The following KCNIP1 variants were observed in gnomAD, a reference collection of about 807,000 sequenced individuals.
The protein encoded by KCNIP1 is potassium voltage-gated channel interacting protein 1.
KCNIP1 carries 18 observed loss-of-function variants against 33.0 expected under a neutral mutation model. The observed-to-expected ratio is 0.55, with a 90% CI of 0.38 to 0.81. KCNIP1 has a LOEUF of 0.81. Ranked by LOEUF, KCNIP1 falls within the 30% of genes least tolerant of loss-of-function variation. KCNIP1 has a pLI of 0.00. For synonymous variants in KCNIP1, 93 were observed against 98.3 expected, an observed-to-expected ratio of 0.95 and a Z score of 0.32; for missense variants, 238 against 271.6, an observed-to-expected ratio of 0.88 and a Z score of 0.87.
At chr5:170,567,692 T>C (rs1581335983) in intron 1 of KCNIP1, among the ~76,000 whole-genome samples, 1 of 152,300 alleles carries the variant, frequency 6.6e-6, no homozygotes, top group Admixed American at 6.5e-5. Context: ...ATGGTGGATG[T>C]GGATGGAGGT....
chr5:170,362,834 G>A (rs959484605), intron 1 of KCNIP1, among the ~76,000 whole-genome samples: 1 of 152,202 alleles, frequency 6.6e-6, no homozygotes, highest in African/African-American at 2.4e-5. Flanking sequence ...TCTGTGCTTG[G>A]CAGGCTGGGC....
At chr5:170,483,013 A>G (rs1166756740) in intron 1 of KCNIP1, 1 of 444,360 alleles carries the variant, frequency 2.3e-6, no homozygotes, top group East Asian at 7.1e-5. Context: ...AAATTAAAGT[A>G]TGAGGTGGAA....
intron 5 of KCNIP1, among the ~76,000 whole-genome samples, chr5:170,729,193 G>T (rs939257692): frequency 6.6e-6 from 1 of 151,902 alleles, no homozygotes; most frequent in Non-Finnish European, 1.5e-5. Flanking sequence ...TCTGATCAAA[G>T]AATGGAAAAA....
At chr5:170,720,679 G>A (rs1763789793) in intron 3 of KCNIP1, among the ~76,000 whole-genome samples, 1 of 152,254 alleles carries the variant, frequency 6.6e-6, no homozygotes, top group Admixed American at 6.5e-5. Flanking sequence ...GAGTAACTGA[G>A]TTTCGGGGAA....
Position 170,390,517 on chromosome 5 carries a change from A to AAAAAAAAAAAAAAAAATATATATAT in KCNIP1, c.88+36554_88+36555insAAAAAAAAAAAAAAATATATATATA. 4.7e-4 allele frequency among the ~76,000 whole-genome samples: 35 copies of AAAAAAAAAAAAAAAAATATATATAT among 74,516 alleles called. 1 individual carries two copies. The highest frequency in any genetic ancestry group is 6.0e-4 in the Non-Finnish European group (24 of 40,204). 48.9% of individuals were successfully genotyped at this position (74,516 alleles called of 152,430 possible). On this transcript the variant is annotated intron_variant, in intron 1 of 7. Coordinates refer to the KCNIP1 transcript ENST00000377360. ...GACCCCGTCTCAAAAAAAAAAAACA[A>AAAAAAAAAAAAAAAAATATATATAT]ATATATATATATATATATATATTTT...
intron 1 of KCNIP1, among the ~76,000 whole-genome samples, chr5:170,633,062 A>G (rs1760121703): frequency 6.6e-6 from 1 of 152,142 alleles, no homozygotes; most frequent in African/African-American, 2.4e-5. Flanking sequence ...GTCAGAAAGG[A>G]CATCCTCCTT....
chr5:170,550,463 T>A (rs895852399), intron 1 of KCNIP1, among the ~76,000 whole-genome samples: 2 of 151,980 alleles, frequency 1.3e-5, no homozygotes, highest in African/African-American at 4.8e-5. Flanking sequence ...GCAATGATGA[T>A]GATGGTGATG....
chr5:170,427,299 A>G (rs1755636437), intron 1 of KCNIP1, among the ~76,000 whole-genome samples: 1 of 152,126 alleles, frequency 6.6e-6, no homozygotes, highest in Admixed American at 6.5e-5. Context: ...GCCTCCAACG[A>G]CCAGGAGAGA....
At chr5:170,524,249 A>G (rs907757434) in intron 1 of KCNIP1, among the ~76,000 whole-genome samples, 5 of 151,998 alleles carry the variant, frequency 3.3e-5, no homozygotes, top group African/African-American at 7.3e-5. Flanking sequence ...CAAGCTGCCA[A>G]CGCTCCAGCA....
chr5:170,559,007 G>A (rs995238216), intron 1 of KCNIP1, among the ~76,000 whole-genome samples: 15 of 152,270 alleles, frequency 9.9e-5, no homozygotes, highest in Admixed American at 9.8e-4. Context: ...TCTTCCAACC[G>A]AGGCAGGCAT....
intron 1 of KCNIP1, among the ~76,000 whole-genome samples, chr5:170,584,631 C>T (rs1757919339): frequency 6.6e-6 from 1 of 152,076 alleles, no homozygotes; most frequent in African/African-American, 2.4e-5. Context: ...GGTGCCCAGC[C>T]CCCGGCAGAG....
At chr5:170,548,185 C>T (rs1756485656) in intron 1 of KCNIP1, among the ~76,000 whole-genome samples, 1 of 152,158 alleles carries the variant, frequency 6.6e-6, no homozygotes, top group African/African-American at 2.4e-5. Flanking sequence ...TCTGCTAAGA[C>T]ATTTTTATAG....
At chr5:170,368,995 G>A (rs1217002241) in intron 1 of KCNIP1, among the ~76,000 whole-genome samples, 2 of 152,212 alleles carry the variant, frequency 1.3e-5, no homozygotes, top group Non-Finnish European at 2.9e-5. Context: ...ATCCAAATAT[G>A]ATAAAATACT....
chr5:170,722,844 G>T lies in KCNIP1; in HGVS notation c.435+24G>T, dbSNP rs756432560. ...AGGTAAGTGAGCTGGGGCCAGGGGT[G>T]TGAGAGGGCTCCAGTGAAGGTAACT... On this transcript the variant is annotated intron_variant, in intron 5 of 7. Coordinates refer to ENST00000328939, the MANE Select transcript of KCNIP1 (RefSeq NM_014592.4). The T allele has an allele frequency of 9.6e-6, 14 of 1,460,194 alleles. No homozygotes were observed. The Admixed American group carries it at 2.0e-4, about 21-fold the overall frequency. 90.5% of individuals were successfully genotyped at this position (1,460,194 alleles called of 1,614,324 possible).
chr5:170,572,073 G>A (rs1757432354), intron 1 of KCNIP1, among the ~76,000 whole-genome samples: 1 of 152,124 alleles, frequency 6.6e-6, no homozygotes, highest in African/African-American at 2.4e-5. Flanking sequence ...GGGCTGGGGT[G>A]AATGGAGGTG....
At chr5:170,675,478 G>A (rs988753320) in intron 1 of KCNIP1, among the ~76,000 whole-genome samples, 8 of 152,072 alleles carry the variant, frequency 5.3e-5, no homozygotes, top group South Asian at 4.2e-4. Context: ...AATATTAGCC[G>A]GGCATGGTGG....
At position 170,581,112 on chromosome 5, in the gene KCNIP1, G is replaced by C. The variant is rs751743990; in HGVS notation, c.61+76479G>C. ...GTAGGTATTATTCCTCCCAGATGCT[G>C]TCTTCTTAGCCTGGGATGCAAAAGC... is the stretch of plus-strand genomic sequence containing the variant. On this transcript the variant is annotated intron_variant, in intron 1 of 7. Transcript: ENST00000328939. Among the ~76,000 whole-genome samples, 66 of 152,228 alleles carry C rather than the reference G, an allele frequency of 4.3e-4. 1 individual carries two copies. Among genetic ancestry groups the C allele is most frequent in the Non-Finnish European group, 8.8e-5 (6 of 68,040 alleles).
At chr5:170,368,916 G>A (rs1367638135) in intron 1 of KCNIP1, among the ~76,000 whole-genome samples, 1 of 152,184 alleles carries the variant, frequency 6.6e-6, no homozygotes, top group Admixed American at 6.5e-5. Flanking sequence ...GTGCTCCTCA[G>A]CCTAACTCTC....
At chr5:170,714,115 G>A (rs902204895) in intron 1 of KCNIP1, among the ~76,000 whole-genome samples, 1 of 152,158 alleles carries the variant, frequency 6.6e-6, no homozygotes, top group African/African-American at 2.4e-5. Context: ...GGAGGAGATG[G>A]TCATGGTCAC....
Sources: gnomAD v4.1 joint callset for allele counts (sites outside exome capture counted in the v4.1 genomes callset) on GRCh38, gnomAD v4.1.1 for gene constraint, MANE v1.5 for transcripts, NCBI Gene and HGNC (gene_info 2026-07-23, HGNC 2026-07-21) for gene names.